Variants in COL4A3 observed in about 807,000 individuals in gnomAD.
COL4A3 encodes collagen alpha-3(IV) chain.
Under a neutral mutation model 217.4 loss-of-function variants are expected in COL4A3, and 135 were observed. That is an observed-to-expected ratio of 0.62 (90% confidence interval 0.54 to 0.72). The LOEUF (loss-of-function observed/expected upper bound fraction) is 0.72, where lower values mean the gene tolerates loss of function less well. Among genes scored for constraint, COL4A3 ranks in the 30% least tolerant of loss-of-function variants. COL4A3 has a pLI of 0.00. For missense variants in COL4A3, 1,868 were observed against 2,119.9 expected (o/e 0.88, Z 2.33); for synonymous variants, 690 against 736.3 (o/e 0.94, Z 1.02).
chr2:227,285,237 A>C (rs890653595), intron 34 of COL4A3, among the ~76,000 whole-genome samples: 3 of 147,590 alleles, frequency 2.0e-5, no homozygotes, highest in Middle Eastern at 3.6e-3. Flanking sequence ...TATGCATGGC[A>C]CATGAGGATG....
chr2:227,253,849 G>A lies in COL4A3; in HGVS notation c.765+211G>A, dbSNP rs1314278013. Reference sequence around the variant, plus strand: ...TGGGGAAGATCTGAGGCTCCAGCTTGGGCAACAGAGTGAGACTTCATTTAA... The same window carrying A: ...TGGGGAAGATCTGAGGCTCCAGCTTAGGCAACAGAGTGAGACTTCATTTAA... On this transcript the variant is annotated intron_variant, in intron 13 of 51. Coordinates refer to ENST00000396578, the MANE Select transcript of COL4A3 (RefSeq NM_000091.5). This position sits in a 1 kb window ranked among gnomAD's most constrained non-coding sequence, Gnocchi z 4.4. Among the ~76,000 whole-genome samples the A allele has an allele frequency of 6.6e-6, 1 of 151,850 alleles. No homozygotes were observed. Among genetic ancestry groups the A allele is most frequent in the Non-Finnish European group, 1.5e-5 (1 of 68,000 alleles).
intron 1 of COL4A3, among the ~76,000 whole-genome samples, chr2:227,229,799 A>C (rs1212781242): frequency 6.6e-6 from 1 of 152,190 alleles, no homozygotes; most frequent in Non-Finnish European, 1.5e-5. Context: ...CTGTAATCCC[A>C]GCACTGTGGG....
intron 1 of COL4A3, among the ~76,000 whole-genome samples, chr2:227,185,965 C>G (rs1402019311): frequency 6.6e-6 from 1 of 152,172 alleles, no homozygotes; most frequent in Non-Finnish European, 1.5e-5. Context: ...CCCTCTTGGA[C>G]CTGGAATTCT....
intron 1 of COL4A3, among the ~76,000 whole-genome samples, chr2:227,218,230 G>A (rs6741420): frequency 0.18 from 26,582 of 151,836 alleles, 2,978 homozygotes; most frequent in East Asian, 0.57. Flanking sequence ...ACTTTGGGAG[G>A]CCGAGACGGG....
chr2:227,241,089 T>C (rs1013716960), intron 3 of COL4A3, among the ~76,000 whole-genome samples: 2 of 152,228 alleles, frequency 1.3e-5, no homozygotes. Context: ...CCCGAGTCTA[T>C]GACCCTTCAC....
chr2:227,294,870 C>T (rs2072952472), intron 39 of COL4A3, 94 bp from the exon 40 acceptor site: 3 of 962,028 alleles, frequency 3.1e-6, no homozygotes, highest in Non-Finnish European at 3.3e-6. Flanking sequence ...TTCCACACAT[C>T]TCCCTGGTAT....
chr2:227,216,809 T>C (rs938413587), intron 1 of COL4A3, among the ~76,000 whole-genome samples: 1 of 152,202 alleles, frequency 6.6e-6, no homozygotes, highest in African/African-American at 2.4e-5. Flanking sequence ...GAGGATTATG[T>C]CACTTTCAGT....
rs371635784 is a variant in COL4A3 at position 227,263,047 on chromosome 2, T to C, written c.1151-733T>C. 7.2e-5 allele frequency among the ~76,000 whole-genome samples: 11 copies of C among 152,166 alleles called. No individual in the cohort carries two copies. The East Asian group carries it at 7.7e-4, about 11-fold the overall frequency. On this transcript the variant is annotated intron_variant, in intron 20 of 51. Coordinates refer to ENST00000396578, the MANE Select transcript of COL4A3 (RefSeq NM_000091.5). ...TTGATACATGTAACAAAATCTTACA[T>C]GTATCCCATAAATTAGTACAAATCT...
In COL4A3 at chr2:227,314,748, ATTATT is replaced by A. The variant is rs1458245414; in HGVS notation, c.*2884_*2888del. 1 of 151,968 alleles carries A rather than the reference ATTATT, an allele frequency of 6.6e-6. No individual in the cohort carries two copies. The highest frequency in any genetic ancestry group is 1.5e-5 in the Non-Finnish European group (1 of 67,982). The allele number at this position is 151,968 out of a possible 1,614,324, so 9.4% of individuals were successfully genotyped here. On this transcript the variant is annotated 3_prime_UTR_variant, in exon 52 of 52. Transcript: ENST00000396578. Reference sequence around the variant, plus strand: ...ATATTTCTGTAATTATATCTAAAATATTATTTTATTATATTGCCTAAGAATAAACA... The same window carrying A: ...ATATTTCTGTAATTATATCTAAAATATTATTATATTGCCTAAGAATAAACA...
intron 1 of COL4A3, among the ~76,000 whole-genome samples, chr2:227,214,334 T>C (rs564251778): frequency 6.6e-6 from 1 of 152,194 alleles, no homozygotes; most frequent in South Asian, 2.1e-4. Context: ...CAAACCCAAG[T>C]ATATTATAAC....
At chr2:227,292,003 T>G (rs1350034599) in intron 37 of COL4A3, among the ~76,000 whole-genome samples, 1 of 152,232 alleles carries the variant, frequency 6.6e-6, no homozygotes, top group African/African-American at 2.4e-5. Context: ...TGGGAAAATC[T>G]ATGGGATCCC....
chr2:227,196,948 G>A (rs1399742788), intron 1 of COL4A3, among the ~76,000 whole-genome samples: 2 of 152,178 alleles, frequency 1.3e-5, no homozygotes, highest in African/African-American at 2.4e-5. Flanking sequence ...GAGGGACCCA[G>A]TGGGAGGCGA....
chr2:227,203,245 A>C (rs1284806606), intron 1 of COL4A3, among the ~76,000 whole-genome samples: 2 of 31,346 alleles, frequency 6.4e-5, no homozygotes, highest in African/African-American at 1.2e-4. Flanking sequence ...GTATATATAC[A>C]TATATGTATA....
chr2:227,277,524 T>C lies in COL4A3; in HGVS notation c.2096T>C (p.Ile699Thr), dbSNP rs754146345. 1.6e-5 allele frequency: 26 copies of C among 1,611,758 alleles called. No homozygotes were observed. Among genetic ancestry groups the C allele is most frequent in the East Asian group, 1.6e-4 (7 of 44,878 alleles). The change falls in exon 28 of 52, where the codon ATT becomes ACT. Residue 699 changes from isoleucine to threonine, a missense_variant. Coordinates refer to ENST00000396578, the MANE Select transcript of COL4A3 (RefSeq NM_000091.5). ...GPDGEPGIPG[I>T]GFPGPPGPKG... ...GATGGTGAACCAGGAATTCCAGGAA[T>C]TGGATTTCCTGGGCCTCCTGGACCT...
rs1279809597 is a variant in COL4A3, at chr2:227,265,305, G to A, written c.1316-1112G>A. On this transcript the variant is annotated intron_variant, in intron 21 of 51. Transcript: ENST00000396578. ...ACCTTCCAGGTATTTTAAAGATGCA[G>A]AAAACTGATCACAAGATGGTCATTC... The A allele has an allele frequency of 2.6e-5, 4 of 152,346 alleles. No individual in the cohort carries two copies. In the East Asian group the frequency reaches 5.8e-4, roughly 22 times the overall value. 9.4% of individuals were successfully genotyped at this position (152,346 alleles called of 1,614,324 possible). A position where few individuals can be genotyped will look rare whatever the true frequency, so the allele number is the denominator to read the frequency against.
rs376816301 is a variant in COL4A3 at position 227,187,974 on chromosome 2, C to T, written c.87+23161C>T. Among the ~76,000 whole-genome samples the T allele has an allele frequency of 3.7e-4, 56 of 152,324 alleles. 1 individual carries two copies. The East Asian group carries it at 9.6e-3, about 26-fold the overall frequency. On this transcript the variant is annotated intron_variant, in intron 1 of 51. Transcript: ENST00000396578. ...TATCACAGCACAGTAGACTTGCCTG[C>T]TTTGGTCCAGTCAGCTGTACCCAAG...
chr2:227,181,542 AAAAAC>A (rs1337999595), intron 1 of COL4A3, among the ~76,000 whole-genome samples: 15 of 152,260 alleles, frequency 9.9e-5, no homozygotes, highest in Admixed American at 1.3e-4. Flanking sequence ...AGATAAAAGT[AAAAAC>A]AAAACTATAA....
At position 227,191,029 on chromosome 2, in the gene COL4A3, T is replaced by G. The variant is rs149512168; in HGVS notation, c.87+26216T>G. ...TAGCACTTCTATTATGTATAGAATT[T>G]TTTAAAAAATAGATGCAAAGGTTAT... On this transcript the variant is annotated intron_variant, in intron 1 of 51. Transcript: ENST00000396578. The surrounding 1 kb of genome is among the most constrained non-coding windows in gnomAD (Gnocchi z 6.8). Among the ~76,000 whole-genome samples the G allele has an allele frequency of 4.6e-3, 696 of 152,310 alleles. 8 individuals carry two copies. Among genetic ancestry groups the G allele is most frequent in the African/African-American group, 0.016 (669 of 41,570 alleles).
chr2:227,234,796 T>A (rs896989800), intron 1 of COL4A3, among the ~76,000 whole-genome samples: 15 of 152,204 alleles, frequency 9.9e-5, no homozygotes, highest in Non-Finnish European at 5.9e-5. Flanking sequence ...ATATGGTGAA[T>A]GTGACTCTTA....
Sources: gnomAD v4.1 joint callset for allele counts (sites outside exome capture counted in the v4.1 genomes callset) on GRCh38, gnomAD v4.1.1 for gene constraint, Gnocchi (gnomAD v3.1) non-coding constraint, MANE v1.5 for transcripts, NCBI Gene and HGNC (gene_info 2026-07-23, HGNC 2026-07-21) for gene names.